RAI14: variants seen among roughly 807,000 people sequenced by gnomAD.
RAI14 encodes the protein ankycorbin.
RAI14 carries 45 observed loss-of-function variants against 115.4 expected under a neutral mutation model. The ratio of observed to expected loss-of-function variants is 0.39; its 90% CI spans 0.31 to 0.50. RAI14 has a LOEUF of 0.50. Ranked by LOEUF, RAI14 falls within the 20% of genes least tolerant of loss-of-function variation. RAI14 has a pLI of 0.85. For missense variants in RAI14, 939 were observed against 1,131.2 expected, an observed-to-expected ratio of 0.83 and a Z score of 2.44; for synonymous variants, 371 against 415.4, an observed-to-expected ratio of 0.89 and a Z score of 1.30.
rs200773542 is a variant in RAI14 at position 34,784,069 on chromosome 5, G to A, written c.168-11870G>A. 1.4e-4 allele frequency among the ~76,000 whole-genome samples: 21 copies of A among 152,156 alleles called. No homozygotes were observed. The East Asian group carries it at 1.9e-3, about 14-fold the overall frequency. On this transcript the variant is annotated intron_variant, in intron 3 of 17. Transcript: ENST00000265109. ...GATTAACTCCTCCTGGAAAAGATGC[G>A]GAATGCACCATTTGGCAAGTTGGGC...
intron 1 of RAI14, among the ~76,000 whole-genome samples, chr5:34,675,629 T>C (rs1743923276): frequency 6.6e-6 from 1 of 151,988 alleles, no homozygotes; most frequent in Non-Finnish European, 1.5e-5. Context: ...TGCACACCTG[T>C]AGTCCCAGCT....
rs779401243 is a variant in RAI14, at chr5:34,799,539, C to CA, written c.256+3516dup. On this transcript the variant is annotated intron_variant, in intron 4 of 17. Transcript: ENST00000265109. ...ACACACACACACACACACACACACACAAAACCACCTTTCAAAATCTATTAC... is the reference window on the plus strand; with the variant it reads ...ACACACACACACACACACACACACACAAAAACCACCTTTCAAAATCTATTAC... Among the ~76,000 whole-genome samples the CA allele has an allele frequency of 7.2e-3, 410 of 57,224 alleles. 3 individuals are homozygous for CA. The highest frequency in any genetic ancestry group is 0.036 in the Middle Eastern group (3 of 84). The allele number at this position is 57,224 out of a possible 152,430, so 37.5% of individuals were successfully genotyped here.
intron 1 of RAI14, among the ~76,000 whole-genome samples, chr5:34,670,176 C>T (rs1212952776): frequency 1.3e-5 from 2 of 152,184 alleles, no homozygotes; most frequent in Non-Finnish European, 2.9e-5. Context: ...CTCGTTCCGT[C>T]TTTGAAGGCA....
intron 3 of RAI14, among the ~76,000 whole-genome samples, chr5:34,793,768 C>G (rs1224232431): frequency 6.6e-6 from 1 of 151,954 alleles, no homozygotes; most frequent in Non-Finnish European, 1.5e-5. Context: ...TTTAGTTTTC[C>G]TCTTGTCATA....
intron 5 of RAI14, among the ~76,000 whole-genome samples, chr5:34,806,376 T>C (rs1028596018): frequency 6.6e-6 from 1 of 152,092 alleles, no homozygotes; most frequent in African/African-American, 2.4e-5. Flanking sequence ...AAGTAGACAG[T>C]GAGAGTCACA....
intron 2 of RAI14, among the ~76,000 whole-genome samples, chr5:34,753,719 T>C (rs188621758): frequency 1.4e-4 from 21 of 152,144 alleles, no homozygotes; most frequent in East Asian, 7.7e-4. Flanking sequence ...CTCAAGACCA[T>C]CCTGGCTAAC....
In RAI14 at chr5:34,823,842, C is replaced by A; in HGVS notation, c.2000C>A (p.Ser667Tyr). The change falls in exon 15 of 18, where the codon TCT (serine) becomes TAT (tyrosine). Residue 667 changes from serine (S) to tyrosine (Y), a missense_variant. Coordinates refer to ENST00000265109, the MANE Select transcript of RAI14 (RefSeq NM_015577.3). The surrounding 1 kb of genome is among the most constrained non-coding windows in gnomAD (Gnocchi z 4.5). The stretch of plus-strand genomic sequence containing the variant: ...CTGGAGGATTACAGGAAGAGGAAAT[C>A]TCTAGAGGATGTCACAGCTGAATAT... ...AELEDYRKRK[S>Y]LEDVTAEYIH... 2 of 1,614,140 alleles carry A rather than the reference C, an allele frequency of 1.2e-6. No homozygotes were observed. Among genetic ancestry groups the A allele is most frequent in the Non-Finnish European group, 1.7e-6 (2 of 1,180,012 alleles).
At chr5:34,801,846 G>T (rs1754310110) in intron 4 of RAI14, among the ~76,000 whole-genome samples, 1 of 152,166 alleles carries the variant, frequency 6.6e-6, no homozygotes, top group African/African-American at 2.4e-5. Context: ...CGAGGCAGGA[G>T]GATTGCTTGA....
intron 2 of RAI14, among the ~76,000 whole-genome samples, chr5:34,702,835 TAGCTGGGATTACAG>T (rs1740246597): frequency 6.6e-6 from 1 of 152,178 alleles, no homozygotes; most frequent in African/African-American, 2.4e-5. Flanking sequence ...GCCTCCCAAG[TAGCTGGGATTACAG>T]GCATGCGCCA....
intron 2 of RAI14, chr5:34,716,131 C>T (rs1741961771): frequency 2.3e-6 from 1 of 426,632 alleles, no homozygotes; most frequent in South Asian, 1.7e-5. Context: ...TGGCAAAAGA[C>T]AAGGCAAATA....
intron 2 of RAI14, among the ~76,000 whole-genome samples, chr5:34,729,202 AGC>A (rs1743864211): frequency 6.6e-6 from 1 of 152,110 alleles, no homozygotes; most frequent in African/African-American, 2.4e-5. Context: ...TACAAAAATT[AGC>A]CAGGGGTAGT....
intron 3 of RAI14, among the ~76,000 whole-genome samples, chr5:34,774,697 C>G (rs1297427227): frequency 2.0e-5 from 3 of 151,562 alleles, no homozygotes; most frequent in Non-Finnish European, 4.4e-5. Context: ...ACTATCCAAG[C>G]AGTCTACAGA....
At position 34,714,054 on chromosome 5, in the gene RAI14, G is replaced by A. The variant is rs1231226089; in HGVS notation, c.36+27099G>A. On this transcript the variant is annotated intron_variant, in intron 2 of 17. Transcript: ENST00000265109. ...CCTGACCTCATGATCTGCCCGCCTC[G>A]GCCTCCCAAAGTGATGGGATTTCAG... Among the ~76,000 whole-genome samples, 10 of 150,260 alleles carry A rather than the reference G, an allele frequency of 6.7e-5. 1 individual carries two copies. Among genetic ancestry groups the A allele is most frequent in the Admixed American group, 1.3e-4 (2 of 15,138 alleles).
At chr5:34,801,869 G>C (rs1754313642) in intron 4 of RAI14, among the ~76,000 whole-genome samples, 1 of 152,056 alleles carries the variant, frequency 6.6e-6, no homozygotes, top group Non-Finnish European at 1.5e-5. Flanking sequence ...ACAGGAGTTT[G>C]AGACTAGCCT....
chr5:34,706,172 G>A (rs1740679954), intron 2 of RAI14, among the ~76,000 whole-genome samples: 3 of 152,292 alleles, frequency 2.0e-5, no homozygotes, highest in African/African-American at 7.2e-5. Context: ...ATAGAAGGGA[G>A]TTACCATTCT....
chr5:34,781,596 G>T (rs1751653519), intron 3 of RAI14, among the ~76,000 whole-genome samples: 1 of 152,248 alleles, frequency 6.6e-6, no homozygotes, highest in South Asian at 2.1e-4. Flanking sequence ...AGATAATAAG[G>T]CTTGGCTAGG....
intron 2 of RAI14, among the ~76,000 whole-genome samples, chr5:34,728,138 A>G (rs1174359441): frequency 6.6e-6 from 1 of 152,152 alleles, no homozygotes; most frequent in Non-Finnish European, 1.5e-5. Flanking sequence ...TGTTTTGGCC[A>G]ATTTCTCCCA....
chr5:34,782,800 C>T (rs933157872), intron 3 of RAI14, among the ~76,000 whole-genome samples: 3 of 152,164 alleles, frequency 2.0e-5, no homozygotes, highest in African/African-American at 7.2e-5. Flanking sequence ...CATAGTGTGG[C>T]CATGACACAC....
chr5:34,680,738 C>T (rs1333978269), intron 1 of RAI14, among the ~76,000 whole-genome samples: 1 of 152,156 alleles, frequency 6.6e-6, no homozygotes, highest in East Asian at 1.9e-4. Flanking sequence ...CAGTTAGAAC[C>T]CTGCTCCCAT....
Sources: gnomAD v4.1 joint callset for allele counts (sites outside exome capture counted in the v4.1 genomes callset) on GRCh38, gnomAD v4.1.1 for gene constraint, Gnocchi (gnomAD v3.1) non-coding constraint, MANE v1.5 for transcripts, NCBI Gene and HGNC (gene_info 2026-07-23, HGNC 2026-07-21) for gene names.